Variants in FBXL7 observed in about 807,000 individuals in gnomAD.
The protein encoded by FBXL7 is F-box/LRR-repeat protein 7.
FBXL7 carries 12 observed loss-of-function variants against 38.3 expected under a neutral mutation model. The observed-to-expected ratio is 0.31, with a 90% CI of 0.20 to 0.51. The LOEUF is 0.51. FBXL7 is among the 20% of genes least tolerant of loss of function. FBXL7 has a pLI of 0.98. For missense variants in FBXL7, 567 were observed against 676.4 expected (o/e 0.84, Z 1.79); for synonymous variants, 297 against 300.9 (o/e 0.99, Z 0.13).
At chr5:15,523,393 C>G (rs1737155742) in intron 1 of FBXL7, among the ~76,000 whole-genome samples, 1 of 152,052 alleles carries the variant, frequency 6.6e-6, no homozygotes, top group Admixed American at 6.6e-5. Context: ...CCCGTCTCTA[C>G]TAAAAATACA....
Position 15,939,334 on chromosome 5 carries a change from T to C in FBXL7, c.*2148T>C. 1 of 315,062 alleles carries C rather than the reference T, an allele frequency of 3.2e-6. No individual in the cohort carries two copies. Among genetic ancestry groups the C allele is most frequent in the Non-Finnish European group, 5.8e-6 (1 of 173,732 alleles). The allele number at this position is 315,062 out of a possible 1,614,324, so 19.5% of individuals were successfully genotyped here. On this transcript the variant is annotated 3_prime_UTR_variant, in exon 4 of 4. Coordinates refer to ENST00000504595, the MANE Select transcript of FBXL7 (RefSeq NM_012304.5). ...TTCAGGATTTGGGTGTCACAAAGGA[T>C]TGTCCCTAATCCTTGGCCCTGGGGT...
At chr5:15,604,565 G>A (rs748600099) in intron 1 of FBXL7, among the ~76,000 whole-genome samples, 7 of 152,060 alleles carry the variant, frequency 4.6e-5, no homozygotes, top group African/African-American at 7.2e-5. Flanking sequence ...ATGTTGGTCA[G>A]GCTGATCTCA....
At position 15,628,917 on chromosome 5, in the gene FBXL7, C is replaced by A. The variant is rs560463263; in HGVS notation, c.127+12845C>A. Among the ~76,000 whole-genome samples, 6 of 152,170 alleles carry A rather than the reference C, an allele frequency of 3.9e-5. No homozygotes were observed. In the South Asian group the frequency reaches 1.2e-3, roughly 32 times the overall value. ...GCCACAAAAGAATGCTCTAGACCCA[C>A]CTTAGATATATTTTTTCTGCTGAAG... On this transcript the variant is annotated intron_variant, in intron 2 of 3. Coordinates refer to ENST00000504595, the MANE Select transcript of FBXL7 (RefSeq NM_012304.5).
At chr5:15,566,613 C>T (rs903216410) in intron 1 of FBXL7, among the ~76,000 whole-genome samples, 1 of 152,118 alleles carries the variant, frequency 6.6e-6, no homozygotes, top group Non-Finnish European at 1.5e-5. Flanking sequence ...CCATTTCCAA[C>T]ATCATAAATT....
rs1041051151 is a variant in FBXL7 at position 15,623,742 on chromosome 5, A to G, written c.127+7670A>G. ...CCAAAAAGCTTTTCAAAACTCTACA[A>G]CAATTCAACAAACATTTTTGAGACA... On this transcript the variant is annotated intron_variant, in intron 2 of 3. Coordinates refer to ENST00000504595, the MANE Select transcript of FBXL7 (RefSeq NM_012304.5). Among the ~76,000 whole-genome samples the G allele has an allele frequency of 3.3e-5, 5 of 152,196 alleles. No individual in the cohort carries two copies. The East Asian group carries it at 5.8e-4, about 18-fold the overall frequency.
rs149593873 is a variant in FBXL7 at position 15,820,616 on chromosome 5, T to A, written c.128-107274T>A. ...CCTGTTTCCTTTCAAGTGAATTATC[T>A]CCTCTGAGTCTTATGTATGCTTTTC... On this transcript the variant is annotated intron_variant, in intron 2 of 3. Transcript: ENST00000504595. Among the ~76,000 whole-genome samples the A allele has an allele frequency of 5.3e-5, 8 of 152,222 alleles. No individual in the cohort carries two copies. The East Asian group carries it at 1.5e-3, about 29-fold the overall frequency.
chr5:15,751,408 C>A (rs7714352), intron 2 of FBXL7, among the ~76,000 whole-genome samples: 35,264 of 152,036 alleles, frequency 0.23, 4,269 homozygotes, highest in East Asian at 0.44. Context: ...AACTTAGCTG[C>A]TTTGAAGACC....
chr5:15,856,478 TC>T (rs1265571257), intron 2 of FBXL7, among the ~76,000 whole-genome samples: 1 of 151,718 alleles, frequency 6.6e-6, no homozygotes, highest in Non-Finnish European at 1.5e-5. Flanking sequence ...GATGAAATAA[TC>T]TGCACAACAA....
chr5:15,521,895 C>T (rs188660768), intron 1 of FBXL7, among the ~76,000 whole-genome samples: 1 of 152,214 alleles, frequency 6.6e-6, no homozygotes, highest in African/African-American at 2.4e-5. Flanking sequence ...CTATACATTT[C>T]TTCGTACTGA....
chr5:15,843,215 A>C (rs1738797528), intron 2 of FBXL7, among the ~76,000 whole-genome samples: 1 of 152,168 alleles, frequency 6.6e-6, no homozygotes, highest in Non-Finnish European at 1.5e-5. Flanking sequence ...CCTTTGTCAA[A>C]GTGTATTCTT....
chr5:15,731,601 T>G (rs1429386634), intron 2 of FBXL7, among the ~76,000 whole-genome samples: 2 of 151,402 alleles, frequency 1.3e-5, no homozygotes, highest in Admixed American at 1.3e-4. Flanking sequence ...GAAAAAAAAA[T>G]GAATGTGCAG....
intron 1 of FBXL7, among the ~76,000 whole-genome samples, chr5:15,524,555 A>G (rs947588905): frequency 6.6e-6 from 1 of 152,148 alleles, no homozygotes; most frequent in Admixed American, 6.5e-5. Flanking sequence ...CTTAGCACAA[A>G]CTTAGTAGGA....
At chr5:15,918,317 A>G (rs1286703140) in intron 2 of FBXL7, among the ~76,000 whole-genome samples, 1 of 152,212 alleles carries the variant, frequency 6.6e-6, no homozygotes, top group African/African-American at 2.4e-5. Context: ...TGATAAAACC[A>G]TGAAGAGTCT....
At chr5:15,611,405 A>G (rs1740231708) in intron 1 of FBXL7, among the ~76,000 whole-genome samples, 2 of 150,496 alleles carry the variant, frequency 1.3e-5, no homozygotes, top group African/African-American at 2.4e-5. Context: ...TAGTGTTCCT[A>G]AGTGCAAGAG....
chr5:15,587,769 T>C (rs1739345071), intron 1 of FBXL7, among the ~76,000 whole-genome samples: 1 of 152,206 alleles, frequency 6.6e-6, no homozygotes, highest in South Asian at 2.1e-4. Flanking sequence ...GTATTTTTAT[T>C]CATCCAGCAT....
chr5:15,690,886 T>C (rs1021424242), intron 2 of FBXL7, among the ~76,000 whole-genome samples: 3 of 152,164 alleles, frequency 2.0e-5, no homozygotes, highest in Admixed American at 2.0e-4. Flanking sequence ...GCTGTAATTG[T>C]AGGAATGGAT....
intron 2 of FBXL7, among the ~76,000 whole-genome samples, chr5:15,791,406 G>C (rs938591474): frequency 2.6e-5 from 4 of 152,144 alleles, no homozygotes; most frequent in Non-Finnish European, 5.9e-5. Context: ...CATGTCCACT[G>C]TACGGCAGCT....
chr5:15,791,537 G>A (rs897969476), intron 2 of FBXL7, among the ~76,000 whole-genome samples: 1 of 152,174 alleles, frequency 6.6e-6, no homozygotes, highest in Admixed American at 6.5e-5. Context: ...GGGTAATTGG[G>A]AAGAGTTTAC....
intron 1 of FBXL7, among the ~76,000 whole-genome samples, chr5:15,521,539 C>G (rs1240467908): frequency 6.6e-6 from 1 of 152,174 alleles, no homozygotes. Context: ...TTGTCCATTA[C>G]TCTGCATTGT....
Sources: allele counts gnomAD v4.1 joint callset (sites outside exome capture counted in the v4.1 genomes callset), GRCh38; gene constraint gnomAD v4.1.1; transcripts MANE v1.5; gene names NCBI Gene and HGNC (gene_info 2026-07-23, HGNC 2026-07-21).